The following DAB1 variants were observed in gnomAD, a reference collection of about 807,000 sequenced individuals.
DAB1 encodes disabled homolog 1.
A neutral mutation model predicts 64.6 loss-of-function variants in DAB1; 15 were observed. The observed-to-expected ratio is 0.23, with a 90% CI of 0.16 to 0.36. The LOEUF (loss-of-function observed/expected upper bound fraction) is 0.36. DAB1 is among the 10% of genes least tolerant of loss of function. The pLI, the probability that DAB1 is intolerant of heterozygous loss-of-function variation, is 1.00. For synonymous variants in DAB1, 235 were observed against 251.9 expected (o/e 0.93, Z 0.64); for missense variants, 596 against 706.7 (o/e 0.84, Z 1.78).
At chr1:57,799,585 T>TG (rs10718934) in intron 6 of DAB1, among the ~76,000 whole-genome samples, 5,806 of 146,532 alleles carry the variant, frequency 0.04, 243 homozygotes, top group East Asian at 0.2. Flanking sequence ...AAAAAAGATC[T>TG]GGGGGGGGCT....
At chr1:58,482,776 G>GTCTC (rs1645511025) in intron 3 of DAB1, among the ~76,000 whole-genome samples, 1 of 152,180 alleles carries the variant, frequency 6.6e-6, no homozygotes, top group African/African-American at 2.4e-5. Flanking sequence ...CGAGTACAAG[G>GTCTC]GAGATGGGAG....
chr1:57,040,078 A>G (rs550912944), intron 9 of DAB1, among the ~76,000 whole-genome samples: 7 of 152,364 alleles, frequency 4.6e-5, no homozygotes, highest in African/African-American at 1.7e-4. Flanking sequence ...GATAATTCAC[A>G]TAAAACCTGT....
chr1:57,099,108 A>G (rs1172335232), intron 4 of DAB1, among the ~76,000 whole-genome samples: 1 of 152,226 alleles, frequency 6.6e-6, no homozygotes, highest in Non-Finnish European at 1.5e-5. Context: ...TGGTTCCACC[A>G]TTTACTCAAT....
At chr1:58,462,062 G>C (rs1463034045) in intron 3 of DAB1, among the ~76,000 whole-genome samples, 3 of 151,908 alleles carry the variant, frequency 2.0e-5, no homozygotes, top group East Asian at 1.9e-4. Context: ...AGGACTCAGG[G>C]GGGTAATTGG....
chr1:57,734,936 T>G (rs900702385), intron 6 of DAB1, among the ~76,000 whole-genome samples: 1 of 152,234 alleles, frequency 6.6e-6, no homozygotes, highest in Non-Finnish European at 1.5e-5. Flanking sequence ...AGGAAGGCAT[T>G]CCAGAAGAAT....
At chr1:57,270,038 G>A (rs954156493) in intron 2 of DAB1, among the ~76,000 whole-genome samples, 2 of 152,170 alleles carry the variant, frequency 1.3e-5, no homozygotes, top group African/African-American at 4.8e-5. Flanking sequence ...GCTCTTTCAG[G>A]GTGAAAGGCA....
intron 3 of DAB1, among the ~76,000 whole-genome samples, chr1:58,479,140 G>C (rs1645448304): frequency 6.6e-6 from 1 of 152,248 alleles, no homozygotes; most frequent in Non-Finnish European, 1.5e-5. Flanking sequence ...GTGACAATGG[G>C]AATGGAAGAA....
chr1:57,538,836 C>A (rs1203469949), intron 7 of DAB1, among the ~76,000 whole-genome samples: 1 of 152,162 alleles, frequency 6.6e-6, no homozygotes, highest in East Asian at 1.9e-4. Flanking sequence ...CAATGAGATT[C>A]TTTTGAGCCC....
intron 1 of DAB1, among the ~76,000 whole-genome samples, chr1:57,367,093 T>G (rs1680095925): frequency 9.7e-6 from 1 of 102,654 alleles, no homozygotes; most frequent in African/African-American, 3.5e-5. Context: ...TAAAATAAAA[T>G]AAAATAAAAT....
At chr1:57,758,180 ATAGTTAAGAACTAC>A (rs1403707756) in intron 6 of DAB1, among the ~76,000 whole-genome samples, 4 of 152,220 alleles carry the variant, frequency 2.6e-5, no homozygotes, top group Non-Finnish European at 5.9e-5. Flanking sequence ...TCAAATCATT[ATAGTTAAGAACTAC>A]TAGGCACTAG....
At chr1:58,268,794 C>T (rs1473558120) in intron 4 of DAB1, among the ~76,000 whole-genome samples, 5 of 151,906 alleles carry the variant, frequency 3.3e-5, no homozygotes, top group Non-Finnish European at 5.9e-5. Context: ...CTTAAAAGTC[C>T]CCAAATAGCC....
At chr1:57,954,827 G>T (rs1470004602) in intron 5 of DAB1, among the ~76,000 whole-genome samples, 1 of 152,054 alleles carries the variant, frequency 6.6e-6, no homozygotes, top group African/African-American at 2.4e-5. Flanking sequence ...GTGGTTTATA[G>T]AGTGCCTTCA....
intron 7 of DAB1, among the ~76,000 whole-genome samples, chr1:57,493,406 G>T (rs1404420823): frequency 1.3e-5 from 2 of 151,980 alleles, no homozygotes; most frequent in African/African-American, 4.8e-5. Context: ...TTTTAAGTCT[G>T]GTTTACTTCA....
intron 6 of DAB1, among the ~76,000 whole-genome samples, chr1:57,702,646 C>G (rs539666383): frequency 2.0e-5 from 3 of 152,078 alleles, no homozygotes; most frequent in African/African-American, 7.2e-5. Context: ...TTAGTCATTT[C>G]GGTATCATCA....
intron 1 of DAB1, among the ~76,000 whole-genome samples, chr1:57,302,101 A>C (rs1673711109): frequency 6.6e-6 from 1 of 152,190 alleles, no homozygotes; most frequent in South Asian, 2.1e-4. Context: ...AAATGGATAC[A>C]TGGATGGCTC....
intron 5 of DAB1, among the ~76,000 whole-genome samples, chr1:58,019,883 AT>A (rs1014501854): frequency 7.2e-4 from 110 of 152,312 alleles, no homozygotes; most frequent in African/African-American, 2.6e-3. Context: ...GAATCAAGTA[AT>A]TCTATTACCT....
At chr1:58,009,642 T>C (rs1646639032) in intron 5 of DAB1, among the ~76,000 whole-genome samples, 1 of 152,184 alleles carries the variant, frequency 6.6e-6, no homozygotes, top group Admixed American at 6.5e-5. Context: ...AAAATAGTTG[T>C]TTGTACACTT....
chr1:58,521,989 A>G (rs978452489), intron 2 of DAB1, among the ~76,000 whole-genome samples: 10 of 152,250 alleles, frequency 6.6e-5, no homozygotes, highest in African/African-American at 2.4e-4. Flanking sequence ...TCTCCTTTGA[A>G]CATAGGATAA....
chr1:57,039,327 C>T (rs550750212), intron 9 of DAB1, among the ~76,000 whole-genome samples: 14 of 152,108 alleles, frequency 9.2e-5, no homozygotes, highest in Admixed American at 5.9e-4. Flanking sequence ...GTGTCATTTC[C>T]CTTTTGAAAT....
Sources: gnomAD v4.1 joint callset for allele counts (sites outside exome capture counted in the v4.1 genomes callset) on GRCh38, gnomAD v4.1.1 for gene constraint, MANE v1.5 for transcripts, NCBI Gene and HGNC (gene_info 2026-07-23, HGNC 2026-07-21) for gene names.